The following MBD5 variants were observed in gnomAD, a reference collection of about 807,000 sequenced individuals.
MBD5 encodes methyl-CpG-binding domain protein 5.
Under a neutral mutation model 117.3 loss-of-function variants are expected in MBD5, and 13 were observed. That is an observed-to-expected ratio of 0.11 (90% CI 0.07 to 0.18). The LOEUF (loss-of-function observed/expected upper bound fraction) is 0.18, where lower values mean the gene tolerates loss of function less well. Ranked by LOEUF, MBD5 falls within the 10% of genes least tolerant of loss-of-function variation. The pLI, the probability that MBD5 is intolerant of heterozygous loss-of-function variation, is 1.00. For synonymous variants in MBD5, 727 were observed against 766.4 expected (o/e 0.95, Z 0.85); for missense variants, 1,879 against 2,093.8 (o/e 0.90, Z 2.00).
chr2:148,381,049 A>G (rs1339813483), intron 4 of MBD5, among the ~76,000 whole-genome samples: 1 of 152,192 alleles, frequency 6.6e-6, no homozygotes, highest in Non-Finnish European at 1.5e-5. Flanking sequence ...CAGAAACTCA[A>G]AATCAGAGTG....
chr2:148,095,034 G>A (rs1457248704), intron 1 of MBD5, among the ~76,000 whole-genome samples: 1 of 151,942 alleles, frequency 6.6e-6, no homozygotes, highest in Non-Finnish European at 1.5e-5. Context: ...AAGCTAGCAG[G>A]GTATAAATAA....
chr2:148,135,250 T>C (rs776572694), intron 1 of MBD5, among the ~76,000 whole-genome samples: 3 of 152,236 alleles, frequency 2.0e-5, no homozygotes, highest in Non-Finnish European at 4.4e-5. Flanking sequence ...TGGACTTTAA[T>C]GAGCCCTTCT....
At chr2:148,417,034 T>C (rs1705440160) in intron 4 of MBD5, among the ~76,000 whole-genome samples, 1 of 152,228 alleles carries the variant, frequency 6.6e-6, no homozygotes, top group Non-Finnish European at 1.5e-5. Context: ...TATCCACTCA[T>C]CGGTTGATGA....
chr2:148,134,471 T>C (rs1697127885), intron 1 of MBD5, among the ~76,000 whole-genome samples: 1 of 152,188 alleles, frequency 6.6e-6, no homozygotes, highest in African/African-American at 2.4e-5. Context: ...ATTCTTTGCT[T>C]TGTATTCTGA....
chr2:148,274,313 G>A (rs868810913), intron 3 of MBD5, among the ~76,000 whole-genome samples: 60 of 152,090 alleles, frequency 3.9e-4, no homozygotes, highest in African/African-American at 1.3e-3. Flanking sequence ...ACGTGCCATG[G>A]TGGTTTGCTG....
chr2:148,486,426 A>T (rs1413647611), intron 10 of MBD5, among the ~76,000 whole-genome samples: 1 of 152,210 alleles, frequency 6.6e-6, no homozygotes. Context: ...TTTAAAAATA[A>T]TCTTGGGGTA....
intron 3 of MBD5, among the ~76,000 whole-genome samples, chr2:148,249,890 T>G (rs1700425088): frequency 6.6e-6 from 1 of 152,150 alleles, no homozygotes; most frequent in Non-Finnish European, 1.5e-5. Context: ...CCAGGGATGC[T>G]GCTTCACATC....
At chr2:148,237,667 T>C (rs1700119875) in intron 3 of MBD5, among the ~76,000 whole-genome samples, 2 of 152,160 alleles carry the variant, frequency 1.3e-5, no homozygotes, top group African/African-American at 4.8e-5. Context: ...GTGACAGTTA[T>C]CAAAATGTGA....
chr2:148,208,639 T>A (rs1699343883), intron 2 of MBD5, among the ~76,000 whole-genome samples: 1 of 138,236 alleles, frequency 7.2e-6, no homozygotes, highest in South Asian at 2.6e-4. Context: ...GCCTTTTTCA[T>A]TTTTGGTTAT....
intron 2 of MBD5, among the ~76,000 whole-genome samples, chr2:148,209,690 T>C (rs1425283954): frequency 2.6e-5 from 4 of 152,114 alleles, no homozygotes; most frequent in Non-Finnish European, 5.9e-5. Flanking sequence ...TGTATAAGCA[T>C]GGCACCAACA....
intron 3 of MBD5, among the ~76,000 whole-genome samples, chr2:148,273,812 C>A (rs1701040059): frequency 6.6e-6 from 1 of 152,180 alleles, no homozygotes; most frequent in Non-Finnish European, 1.5e-5. Flanking sequence ...CATTTTTGGG[C>A]AGCAGGGAAG....
chr2:148,413,165 T>C (rs1215819310), intron 4 of MBD5, among the ~76,000 whole-genome samples: 2 of 152,106 alleles, frequency 1.3e-5, no homozygotes, highest in African/African-American at 4.8e-5. Context: ...GAGGGTTTTT[T>C]AACATAAAAG....
chr2:148,165,382 A>T (rs886915028), intron 1 of MBD5, among the ~76,000 whole-genome samples: 1 of 152,112 alleles, frequency 6.6e-6, no homozygotes, highest in African/African-American at 2.4e-5. Context: ...TTACCAATAA[A>T]AAGGACAATT....
At chr2:148,225,468 C>G (rs1699797726) in intron 2 of MBD5, among the ~76,000 whole-genome samples, 1 of 151,686 alleles carries the variant, frequency 6.6e-6, no homozygotes, top group Non-Finnish European at 1.5e-5. Context: ...TTTCATTTTT[C>G]TATTTAAGAT....
chr2:148,258,460 G>A (rs913949000), intron 3 of MBD5, among the ~76,000 whole-genome samples: 9 of 152,076 alleles, frequency 5.9e-5, no homozygotes, highest in Non-Finnish European at 1.2e-4. Context: ...TGCACCCACC[G>A]TACATTGGTG....
intron 3 of MBD5, among the ~76,000 whole-genome samples, chr2:148,237,858 A>G (rs778601990): frequency 6.6e-5 from 10 of 152,214 alleles, no homozygotes; most frequent in Admixed American, 1.3e-4. Context: ...TTTATTAACC[A>G]CAACCGTGCA....
chr2:148,288,192 A>C (rs904100069), intron 3 of MBD5, among the ~76,000 whole-genome samples: 5 of 146,682 alleles, frequency 3.4e-5, no homozygotes, highest in African/African-American at 1.3e-4. Context: ...CGAGGTCAGG[A>C]GATCGAGACC....
intron 4 of MBD5, among the ~76,000 whole-genome samples, chr2:148,433,184 G>A (rs1173016405): frequency 6.6e-6 from 1 of 152,018 alleles, no homozygotes; most frequent in Non-Finnish European, 1.5e-5. Flanking sequence ...TTGGTGTATG[G>A]GAATGCTACT....
At chr2:148,042,906 C>G (rs1253219747) in intron 1 of MBD5, among the ~76,000 whole-genome samples, 1 of 152,046 alleles carries the variant, frequency 6.6e-6, no homozygotes, top group African/African-American at 2.4e-5. Context: ...GGCAATGTAG[C>G]CTTTACCCTT....
Sources: allele counts gnomAD v4.1 joint callset (sites outside exome capture counted in the v4.1 genomes callset), GRCh38; gene constraint gnomAD v4.1.1; transcripts MANE v1.5; gene names NCBI Gene and HGNC (gene_info 2026-07-23, HGNC 2026-07-21).